The following DPY19L1 variants were observed in gnomAD, a reference collection of about 807,000 sequenced individuals.
DPY19L1 encodes dpy-19 like C-mannosyltransferase 1, also known as protein C-mannosyl-transferase DPY19L1.
A neutral mutation model predicts 96.9 loss-of-function variants in DPY19L1; 35 were observed. That is an observed-to-expected ratio of 0.36 (90% confidence interval 0.28 to 0.48). The LOEUF (loss-of-function observed/expected upper bound fraction) is 0.48. Ranked by LOEUF, DPY19L1 falls within the 20% of genes least tolerant of loss-of-function variation. DPY19L1 has a pLI of 0.99. For missense variants in DPY19L1, 521 were observed against 777.9 expected (o/e 0.67, Z 3.93); for synonymous variants, 205 against 252.6 (o/e 0.81, Z 1.79).
At position 34,929,969 on chromosome 7, in the gene DPY19L1, C is replaced by A. The variant is rs1050726183; in HGVS notation, c.*1604G>T. ...CACAAGACTGGGGGGCGGTGCTTCT[C>A]TGAGGGCACACTCCTCAGCCTTTGC... On this transcript the variant is annotated 3_prime_UTR_variant, in exon 22 of 22. Transcript: ENST00000638088. 1.3e-5 allele frequency: 2 copies of A among 152,302 alleles called. No individual in the cohort carries two copies. Among genetic ancestry groups the A allele is most frequent in the African/African-American group, 4.8e-5 (2 of 41,466 alleles). 9.4% of individuals were successfully genotyped at this position (152,302 alleles called of 1,614,324 possible).
intron 10 of DPY19L1, among the ~76,000 whole-genome samples, chr7:34,961,538 A>C (rs1385644324): frequency 6.6e-6 from 1 of 152,188 alleles, no homozygotes; most frequent in Non-Finnish European, 1.5e-5. Context: ...AAAACTATAA[A>C]GCTCCTAGAA....
intron 1 of DPY19L1, among the ~76,000 whole-genome samples, chr7:35,023,544 T>C (rs185614523): frequency 2.1e-4 from 32 of 152,342 alleles, no homozygotes; most frequent in African/African-American, 7.5e-4. Context: ...ACTTCATAAA[T>C]AGTATTTGCC....
At chr7:34,960,288 G>C (rs1214039274) in intron 10 of DPY19L1, among the ~76,000 whole-genome samples, 1 of 151,844 alleles carries the variant, frequency 6.6e-6, no homozygotes, top group Non-Finnish European at 1.5e-5. Flanking sequence ...CAAATCTTCA[G>C]ATCCCAAAGC....
At chr7:35,018,685 T>C (rs1285206251) in intron 1 of DPY19L1, 89 bp from the exon 2 acceptor site, 4 of 1,181,482 alleles carry the variant, frequency 3.4e-6, no homozygotes, top group Non-Finnish European at 4.9e-6. Flanking sequence ...GCATGTCAAA[T>C]ATTGAAATGT....
At chr7:34,942,098 G>A (rs554998926) in intron 17 of DPY19L1, among the ~76,000 whole-genome samples, 17 of 152,212 alleles carry the variant, frequency 1.1e-4, no homozygotes, top group Admixed American at 2.0e-4. Flanking sequence ...AAGTGTTTCT[G>A]TGATTCTCAG....
At chr7:34,947,802 T>C (rs1784182837) in intron 14 of DPY19L1, 101 bp from the exon 15 acceptor site, 2 of 937,912 alleles carry the variant, frequency 2.1e-6, no homozygotes, top group South Asian at 1.6e-5. Flanking sequence ...TAGAGAAATA[T>C]GAACATTCAC....
chr7:35,006,512 C>G (rs1187818484), intron 6 of DPY19L1, among the ~76,000 whole-genome samples: 2 of 152,196 alleles, frequency 1.3e-5, no homozygotes, highest in Non-Finnish European at 1.5e-5. Context: ...GATTTCCACA[C>G]ACTGGGTCTT....
intron 10 of DPY19L1, among the ~76,000 whole-genome samples, chr7:34,962,437 T>C (rs1584221262): frequency 6.6e-6 from 1 of 151,696 alleles, no homozygotes; most frequent in Non-Finnish European, 1.5e-5. Flanking sequence ...CTGCCATGGG[T>C]TAGGGGGAAG....
chr7:35,024,950 A>G (rs181319034), intron 1 of DPY19L1, among the ~76,000 whole-genome samples: 161 of 152,342 alleles, frequency 1.1e-3, no homozygotes, highest in Middle Eastern at 6.8e-3. Context: ...CTACAACCAT[A>G]TAAGATAAAT....
chr7:34,986,476 C>T (rs1436396192), intron 7 of DPY19L1, among the ~76,000 whole-genome samples: 2 of 152,004 alleles, frequency 1.3e-5, no homozygotes, highest in African/African-American at 4.8e-5. Context: ...ATAAAATCAT[C>T]TCCCTGCTGG....
At chr7:34,955,627 T>C (rs973241728) in intron 11 of DPY19L1, among the ~76,000 whole-genome samples, 1 of 152,194 alleles carries the variant, frequency 6.6e-6, no homozygotes, top group Non-Finnish European at 1.5e-5. Flanking sequence ...TATGACTGAT[T>C]TGACATATCT....
chr7:34,964,905 A>G (rs1649238), intron 10 of DPY19L1, among the ~76,000 whole-genome samples: 39,974 of 152,094 alleles, frequency 0.26, 5,473 homozygotes, highest in Non-Finnish European at 0.31. Context: ...CATGAAGGGC[A>G]TATAAACAAA....
intron 1 of DPY19L1, among the ~76,000 whole-genome samples, chr7:35,033,913 T>C (rs1182045406): frequency 6.6e-6 from 1 of 151,888 alleles, no homozygotes; most frequent in African/African-American, 2.4e-5. Flanking sequence ...TGGCATCTAG[T>C]AGGTGGAGGC....
chr7:35,011,569 C>T (rs1335626594), intron 4 of DPY19L1, 119 bp from the exon 5 acceptor site: 11 of 976,774 alleles, frequency 1.1e-5, no homozygotes, highest in Non-Finnish European at 1.6e-5. Context: ...ATCCACTTGG[C>T]TCCCTTTAAA....
rs147455364 is a variant in DPY19L1 at position 34,933,196 on chromosome 7, G to A, written c.2091-1467C>T. Among the ~76,000 whole-genome samples the A allele has an allele frequency of 5.3e-5, 8 of 152,078 alleles. No individual in the cohort carries two copies. The East Asian group carries it at 1.4e-3, about 26-fold the overall frequency. ...GGAAACAAGTGGTTTTTGGTTACAC[G>A]GATAAGTTATTCAGTGGCAGTTACT... On this transcript the variant is annotated intron_variant, in intron 21 of 21. Coordinates refer to ENST00000638088, the MANE Select transcript of DPY19L1 (RefSeq NM_001366673.1).
chr7:34,979,395 C>A (rs1323166665), intron 7 of DPY19L1, among the ~76,000 whole-genome samples: 14 of 151,986 alleles, frequency 9.2e-5, no homozygotes, highest in Admixed American at 9.2e-4. Flanking sequence ...GAAACAGAAA[C>A]AAATGATTCA....
chr7:34,992,264 C>T (rs397844014), intron 6 of DPY19L1, among the ~76,000 whole-genome samples: 24 of 152,146 alleles, frequency 1.6e-4, no homozygotes, highest in Non-Finnish European at 2.4e-4. Flanking sequence ...TTTTCTCTTC[C>T]GTGAACTGCT....
intron 21 of DPY19L1, among the ~76,000 whole-genome samples, chr7:34,935,640 G>GT (rs909010911): frequency 1.3e-5 from 2 of 152,016 alleles, no homozygotes; most frequent in African/African-American, 4.8e-5. Flanking sequence ...TCCTAACTGA[G>GT]TTCCCCATCT....
intron 10 of DPY19L1, among the ~76,000 whole-genome samples, chr7:34,963,678 TTGAA>T (rs1784550893): frequency 6.7e-6 from 1 of 149,862 alleles, no homozygotes; most frequent in African/African-American, 2.5e-5. Context: ...CATGGACAGA[TTGAA>T]TGGATAAGCA....
Sources: gnomAD v4.1 joint callset for allele counts (sites outside exome capture counted in the v4.1 genomes callset) on GRCh38, gnomAD v4.1.1 for gene constraint, MANE v1.5 for transcripts, NCBI Gene and HGNC (gene_info 2026-07-23, HGNC 2026-07-21) for gene names.